Variants in TRAPPC3L observed in about 807,000 individuals in gnomAD.
TRAPPC3L encodes the protein trafficking protein particle complex subunit 3L.
TRAPPC3L carries 23 observed loss-of-function variants against 23.7 expected under a neutral mutation model. That is an observed-to-expected ratio of 0.97 (90% CI 0.70 to 1.37). The LOEUF (loss-of-function observed/expected upper bound fraction) is 1.37. Ranked by LOEUF, TRAPPC3L falls within the 40% of genes most tolerant of loss-of-function variation. The probability of loss-of-function intolerance (pLI) is 0.00; values close to 1 mark genes in which losing one functional copy is unlikely to be tolerated. For missense variants in TRAPPC3L, 212 were observed against 216.8 expected (o/e 0.98, Z 0.14); for synonymous variants, 81 against 77.9 (o/e 1.04, Z -0.21).
intron 3 of TRAPPC3L, among the ~76,000 whole-genome samples, chr6:116,507,813 G>A (rs577149566): frequency 5.8e-4 from 88 of 152,256 alleles, no homozygotes; most frequent in Admixed American, 1.4e-3. Context: ...AACATCTGCT[G>A]TTTTACAGTG....
chr6:116,515,421 G>A (rs1772203007), intron 3 of TRAPPC3L, among the ~76,000 whole-genome samples: 2 of 152,112 alleles, frequency 1.3e-5, no homozygotes, highest in Non-Finnish European at 2.9e-5. Context: ...ACTTTATTTT[G>A]AGTTTACCTA....
intron 3 of TRAPPC3L, chr6:116,516,660 AAT>A (rs57050552): frequency 0.06 from 6,101 of 101,282 alleles, 223 homozygotes; most frequent in South Asian, 0.076. Context: ...AGTAGTAACA[AAT>A]ATATATATAT....
At chr6:116,518,154 G>A (rs1772263482) in intron 3 of TRAPPC3L, 1 of 152,210 alleles carries the variant, frequency 6.6e-6, no homozygotes. Context: ...GGGAACCTCT[G>A]CTTTGTAGCC....
chr6:116,524,304 A>G (rs577047877), intron 3 of TRAPPC3L: 1 of 152,350 alleles, frequency 6.6e-6, no homozygotes, highest in Non-Finnish European at 1.5e-5. Flanking sequence ...GAAAAATTTC[A>G]TAAGGTACAC....
intron 3 of TRAPPC3L, among the ~76,000 whole-genome samples, chr6:116,514,194 C>T (rs1772178388): frequency 6.6e-6 from 1 of 152,032 alleles, no homozygotes; most frequent in Admixed American, 6.6e-5. Context: ...ATGCAAACGT[C>T]ATGTGAAAGG....
intron 3 of TRAPPC3L, among the ~76,000 whole-genome samples, chr6:116,526,253 T>C (rs1772437649): frequency 6.6e-6 from 1 of 152,180 alleles, no homozygotes; most frequent in Non-Finnish European, 1.5e-5. Flanking sequence ...TGTTTTCCAC[T>C]TTTTTTCCAA....
intron 3 of TRAPPC3L, among the ~76,000 whole-genome samples, chr6:116,534,468 T>A (rs1170604301): frequency 2.6e-5 from 4 of 151,826 alleles, no homozygotes; most frequent in African/African-American, 7.3e-5. Context: ...GAAAAAAAAA[T>A]ATGACTAGTA....
intron 1 of TRAPPC3L, among the ~76,000 whole-genome samples, chr6:116,544,652 T>A (rs973887825): frequency 6.6e-6 from 1 of 152,172 alleles, no homozygotes; most frequent in African/African-American, 2.4e-5. Context: ...GATTTCGGTA[T>A]AATATGAACT....
intron 3 of TRAPPC3L, among the ~76,000 whole-genome samples, chr6:116,507,459 T>C (rs4946176): frequency 0.034 from 5,161 of 152,272 alleles, 139 homozygotes; most frequent in Admixed American, 0.065. Flanking sequence ...AGTTTAAAAT[T>C]GTGCTTCTGA....
At chr6:116,527,806 C>T (rs767923796) in intron 3 of TRAPPC3L, among the ~76,000 whole-genome samples, 1 of 152,180 alleles carries the variant, frequency 6.6e-6, no homozygotes, top group African/African-American at 2.4e-5. Flanking sequence ...CAAAACTTCT[C>T]CCCTAGGAGG....
At position 116,543,301 on chromosome 6, in the gene TRAPPC3L, A is replaced by G. The variant is rs963597887; in HGVS notation, c.140+2T>C. 5 of 1,545,388 alleles carry G rather than the reference A, an allele frequency of 3.2e-6. No individual in the cohort carries two copies. In the African/African-American group the frequency reaches 6.9e-5, roughly 21 times the overall value. On this transcript the variant is annotated splice_donor_variant, in intron 2 of 4. Transcript: ENST00000368602. LOFTEE classifies it high-confidence loss of function. ...CAATAAGAATGAAGGACTTCCACTT[A>G]CATTTTATCTAAATATTGGTTCACA...
Position 116,496,792 on chromosome 6 carries a change from A to G in TRAPPC3L, c.*162T>C. 1 of 1,042,664 alleles carries G rather than the reference A, an allele frequency of 9.6e-7. No homozygotes were observed. The highest frequency in any genetic ancestry group is 1.3e-6 in the Non-Finnish European group (1 of 772,630). The allele number at this position is 1,042,664 out of a possible 1,614,324, so 64.6% of individuals were successfully genotyped here. A position where few individuals can be genotyped will look rare whatever the true frequency, so the allele number is the denominator to read the frequency against. ...AATGCGTGATTTATAAGCAAAAGGA[A>G]AAAAAAACCTTTAAGCCTTCATGCC... On this transcript the variant is annotated 3_prime_UTR_variant, in exon 5 of 5. Transcript: ENST00000368602.
chr6:116,499,281 C>A (rs1583263675), intron 4 of TRAPPC3L, among the ~76,000 whole-genome samples: 1 of 152,194 alleles, frequency 6.6e-6, no homozygotes, highest in East Asian at 1.9e-4. Flanking sequence ...GTCTTCCTCT[C>A]CCCATTCCTG....
intron 3 of TRAPPC3L, chr6:116,524,576 C>T (rs565500781): frequency 1.3e-5 from 2 of 152,276 alleles, no homozygotes; most frequent in African/African-American, 4.8e-5. Context: ...GTGGCCACAG[C>T]CTGATTTCTG....
chr6:116,530,128 T>C (rs1287899181), intron 3 of TRAPPC3L, among the ~76,000 whole-genome samples: 2 of 151,710 alleles, frequency 1.3e-5, no homozygotes, highest in Non-Finnish European at 2.9e-5. Context: ...GTTTTTAAGA[T>C]GCATGTTATT....
At chr6:116,512,614 T>C (rs544615951) in intron 3 of TRAPPC3L, among the ~76,000 whole-genome samples, 51 of 152,346 alleles carry the variant, frequency 3.3e-4, no homozygotes, top group African/African-American at 1.2e-3. Flanking sequence ...TTATTTACAT[T>C]CAAGTTGTTT....
intron 3 of TRAPPC3L, among the ~76,000 whole-genome samples, chr6:116,531,717 A>C (rs1030810932): frequency 9.2e-5 from 14 of 152,270 alleles, no homozygotes; most frequent in Admixed American, 6.5e-4. Context: ...TGCACTATGT[A>C]ATGATTTGGT....
At chr6:116,523,281 T>G (rs1772378465) in intron 3 of TRAPPC3L, 1 of 152,216 alleles carries the variant, frequency 6.6e-6, no homozygotes, top group Non-Finnish European at 1.5e-5. Context: ...GGATATATTT[T>G]GTCCTTTAGG....
At chr6:116,511,763 A>G (rs1772124312) in intron 3 of TRAPPC3L, 1 of 1,613,950 alleles carries the variant, frequency 6.2e-7, no homozygotes, top group African/African-American at 1.3e-5. Flanking sequence ...CTACAGCTTC[A>G]TGGCTCTGCT....
Sources: allele counts gnomAD v4.1 joint callset (sites outside exome capture counted in the v4.1 genomes callset), GRCh38; gene constraint gnomAD v4.1.1; transcripts MANE v1.5; gene names NCBI Gene and HGNC (gene_info 2026-07-23, HGNC 2026-07-21).